The following OR4S2 variants were observed in gnomAD, a reference collection of about 807,000 sequenced individuals.
OR4S2 encodes olfactory receptor family 4 subfamily S member 2, also known as olfactory receptor 4S2.
Under a neutral mutation model 15.1 loss-of-function variants are expected in OR4S2, and 16 were observed. The ratio of observed to expected loss-of-function variants is 1.06; its 90% CI spans 0.72 to 1.61. The LOEUF (loss-of-function observed/expected upper bound fraction) is 1.61. Ranked by LOEUF, OR4S2 falls within the 40% of genes most tolerant of loss-of-function variation. The pLI is 0.00. For missense variants in OR4S2, 362 were observed against 379.6 expected (o/e 0.95, Z 0.38); for synonymous variants, 133 against 136.3 (o/e 0.98, Z 0.17).
rs765413517 is a variant in OR4S2, at chr11:55,650,899, A to G, written c.-5A>G. 10 of 1,276,712 alleles carry G rather than the reference A, an allele frequency of 7.8e-6. 1 individual carries two copies. The East Asian group carries it at 1.3e-4, about 17-fold the overall frequency. 79.1% of individuals were successfully genotyped at this position (1,276,712 alleles called of 1,614,324 possible). On this transcript the variant is annotated 5_prime_UTR_variant, in exon 2 of 2. Coordinates refer to ENST00000641692, the MANE Select transcript of OR4S2 (RefSeq NM_001004059.3). ...TAATTGTCTCCTAAGAACTTGACCC[A>G]TTCCATGGAAAAAATAAACAACGTA... is the stretch of plus-strand genomic sequence containing the variant.
rs778405988 is a variant in OR4S2 at position 55,650,946 on chromosome 11, C to A, written c.43C>A (p.Leu15Ile). ...NNVTEFIFWG[L>I]SQSPEIEKVC... Reference sequence around the variant, plus strand: ...CGTAACTGAATTCATTTTCTGGGGTCTTTCTCAGAGCCCAGAGATTGAGAA... The same window carrying A: ...CGTAACTGAATTCATTTTCTGGGGTATTTCTCAGAGCCCAGAGATTGAGAA... The change falls in exon 2 of 2, where the codon CTT becomes ATT. Residue 15 changes from leucine (L) to isoleucine (I), a missense_variant. Coordinates refer to ENST00000641692, the MANE Select transcript of OR4S2 (RefSeq NM_001004059.3). 15 of 1,464,254 alleles carry A rather than the reference C, an allele frequency of 1.0e-5. 4 individuals carry two copies. The highest frequency in any genetic ancestry group is 1.4e-5 in the Non-Finnish European group (15 of 1,072,940). 90.7% of individuals were successfully genotyped at this position (1,464,254 alleles called of 1,614,324 possible).
At chr11:55,648,580 A>G (rs1453885307) in intron 1 of OR4S2, 30 bp downstream of exon 1, 1 of 138,174 alleles carries the variant, frequency 7.2e-6, no homozygotes, top group Non-Finnish European at 1.6e-5. Context: ...TCAAACGAAT[A>G]CAGAATATTT....
chr11:55,649,055 G>GA (rs201025021), intron 1 of OR4S2, among the ~76,000 whole-genome samples: 2,731 of 137,680 alleles, frequency 0.02, 514 homozygotes, highest in Middle Eastern at 0.039. Context: ...GACGGTAGGG[G>GA]AAAAAATCCT....
Position 55,651,086 on chromosome 11 carries a change from C to T in OR4S2, c.183C>T (p.Leu61=), listed in dbSNP as rs1565075695. ...TTAAGTCACCCATGTATTTCTTTCT[C>T]AGCTTCTTGTCTTTTGTGGACATTT... ...NLFKSPMYFF[L]SFLSFVDICY... The change falls in exon 2 of 2, where the codon CTC becomes CTT. Residue 61 remains leucine, a synonymous_variant. Transcript: ENST00000641692. The T allele has an allele frequency of 2.0e-6, 3 of 1,484,102 alleles. 1 individual carries two copies. Among genetic ancestry groups the T allele is most frequent in the Admixed American group, 2.0e-5 (1 of 50,112 alleles). 91.9% of individuals were successfully genotyped at this position (1,484,102 alleles called of 1,614,324 possible).
rs1179657323 is a variant in OR4S2 at position 55,652,798 on chromosome 11, A to G, written c.*959A>G. 12 of 138,994 alleles carry G rather than the reference A, an allele frequency of 8.6e-5. No individual in the cohort carries two copies. The highest frequency in any genetic ancestry group is 4.7e-4 in the Admixed American group (6 of 12,878). 8.6% of individuals were successfully genotyped at this position (138,994 alleles called of 1,614,324 possible). A position where few individuals can be genotyped will look rare whatever the true frequency, so the allele number is the denominator to read the frequency against. On this transcript the variant is annotated 3_prime_UTR_variant, in exon 2 of 2. Transcript: ENST00000641692. ...TAACACTGTTCTCTATTTCTCAAAA[A>G]ATGTGTGAAAATCTTTCACCAGCTG...
chr11:55,648,576 G>A (rs1238798891), intron 1 of OR4S2, 26 bp downstream of exon 1: 5 of 137,190 alleles, frequency 3.6e-5, no homozygotes, highest in Non-Finnish European at 6.5e-5. Flanking sequence ...CTTTTCAAAC[G>A]AATACAGAAT....
At position 55,651,813 on chromosome 11, in the gene OR4S2, G is replaced by T; in HGVS notation, c.910G>T (p.Val304Phe). Residue 304 changes from valine to phenylalanine, a missense_variant, in exon 2 of 2, where the codon GTT (valine) becomes TTT (phenylalanine). Transcript: ENST00000641692. ...AATGAAGAAACTGTGGGGCAGAAAT[G>T]TTTTCTTGGAGGCTAAAGGGAAATA... ...NAMKKLWGRNVFLEAKGK is the reference protein window; with the variant it reads ...NAMKKLWGRNFFLEAKGK 1 of 1,434,164 alleles carries T rather than the reference G, an allele frequency of 7.0e-7. No individual in the cohort carries two copies. The highest frequency in any genetic ancestry group is 9.5e-7 in the Non-Finnish European group (1 of 1,049,762). 88.8% of individuals were successfully genotyped at this position (1,434,164 alleles called of 1,614,324 possible). A position where few individuals can be genotyped will look rare whatever the true frequency, so the allele number is the denominator to read the frequency against.
chr11:55,648,413 G>T lies in OR4S2; in HGVS notation c.-174G>T, dbSNP rs1858524135. 7.3e-6 allele frequency: 1 copy of T among 137,232 alleles called. No homozygotes were observed. Among genetic ancestry groups the T allele is most frequent in the African/African-American group, 2.5e-5 (1 of 39,708 alleles). The allele number at this position is 137,232 out of a possible 1,614,324, so 8.5% of individuals were successfully genotyped here. ...TTTCTACCAGCCTTTCAGTTTGGGG[G>T]GTCAGGTATTTTCCGGTACTAATTA... is the stretch of plus-strand genomic sequence containing the variant. On this transcript the variant is annotated 5_prime_UTR_variant, in exon 1 of 2. Transcript: ENST00000641692.
chr11:55,649,711 T>C lies in OR4S2; in HGVS notation c.-36-1157T>C, dbSNP rs534838136. Among the ~76,000 whole-genome samples, 40 of 139,006 alleles carry C rather than the reference T, an allele frequency of 2.9e-4. 6 individuals carry two copies. Among genetic ancestry groups the C allele is most frequent in the Non-Finnish European group, 5.8e-4 (36 of 62,380 alleles). 91.2% of individuals were successfully genotyped at this position (139,006 alleles called of 152,430 possible). A position where few individuals can be genotyped will look rare whatever the true frequency, so the allele number is the denominator to read the frequency against. The stretch of plus-strand genomic sequence containing the variant: ...TAAACCCATTAAAATTGTCATTCAG[T>C]GATGATCTCTTCCAGAAATATAAAT... On this transcript the variant is annotated intron_variant, in intron 1 of 1. Coordinates refer to ENST00000641692, the MANE Select transcript of OR4S2 (RefSeq NM_001004059.3).
Position 55,651,520 on chromosome 11 carries a change from T to C in OR4S2, c.617T>C (p.Leu206Pro). Residue 206 changes from leucine (L) to proline (P), a missense_variant, in exon 2 of 2, where the codon CTG (leucine) becomes CCG (proline). Leu to Pro is a moderately conservative substitution (Grantham distance 98). Coordinates refer to ENST00000641692, the MANE Select transcript of OR4S2 (RefSeq NM_001004059.3). ...ACAGCCAACAGTGGTACCATTGCTCTGGGGAGTTTTGTTATCTTGCTAATC... is the reference window on the plus strand; with the variant it reads ...ACAGCCAACAGTGGTACCATTGCTCCGGGGAGTTTTGTTATCTTGCTAATC... Reference protein sequence around the residue: ...VVTANSGTIALGSFVILLISY... With the variant: ...VVTANSGTIAPGSFVILLISY... The C allele has an allele frequency of 1.3e-6, 2 of 1,489,414 alleles. No individual in the cohort carries two copies. Among genetic ancestry groups the C allele is most frequent in the African/African-American group, 2.7e-5 (2 of 72,812 alleles). 92.3% of individuals were successfully genotyped at this position (1,489,414 alleles called of 1,614,324 possible).
chr11:55,651,381 C>G lies in OR4S2; in HGVS notation c.478C>G (p.Leu160Val). The G allele has an allele frequency of 6.7e-7, 1 of 1,481,556 alleles. No individual in the cohort carries two copies. The highest frequency in any genetic ancestry group is 9.2e-7 in the Non-Finnish European group (1 of 1,086,950). 91.8% of individuals were successfully genotyped at this position (1,481,556 alleles called of 1,614,324 possible). The change falls in exon 2 of 2, where the codon CTG (leucine) becomes GTG (valine). Residue 160 changes from leucine to valine, a missense_variant. Physicochemically the swap from Leu to Val is conservative, Grantham distance 32. Transcript: ENST00000641692. ...CTTACACTCCATTATCCAAGTGGCTCTGGTAGTCCAACTACCCTTTTGTGG... is the reference window on the plus strand; with the variant it reads ...CTTACACTCCATTATCCAAGTGGCTGTGGTAGTCCAACTACCCTTTTGTGG... ...GFLHSIIQVALVVQLPFCGPN... is the reference protein window; with the variant it reads ...GFLHSIIQVAVVVQLPFCGPN...
Position 55,651,084 on chromosome 11 carries a change from C to A in OR4S2, c.181C>A (p.Leu61Ile), listed in dbSNP as rs527758076. The change falls in exon 2 of 2, where the codon CTC becomes ATC. Residue 61 changes from leucine to isoleucine, a missense_variant. Physicochemically the swap from Leu to Ile is conservative, Grantham distance 5. Coordinates refer to ENST00000641692, the MANE Select transcript of OR4S2 (RefSeq NM_001004059.3). ...NLFKSPMYFF[L>I]SFLSFVDICY... ...GTTTAAGTCACCCATGTATTTCTTT[C>A]TCAGCTTCTTGTCTTTTGTGGACAT... The A allele has an allele frequency of 6.7e-7, 1 of 1,484,360 alleles. No homozygotes were observed. The highest frequency in any genetic ancestry group is 9.2e-7 in the Non-Finnish European group (1 of 1,089,696). The allele number at this position is 1,484,360 out of a possible 1,614,324, so 91.9% of individuals were successfully genotyped here. A position where few individuals can be genotyped will look rare whatever the true frequency, so the allele number is the denominator to read the frequency against.
rs903031707 is a variant in OR4S2, at chr11:55,649,738, G to A, written c.-36-1130G>A. ...ATGATCTCTTCCAGAAATATAAATCGACCAAATTGGGAGAATGAATATGGC... is the reference window on the plus strand; with the variant it reads ...ATGATCTCTTCCAGAAATATAAATCAACCAAATTGGGAGAATGAATATGGC... On this transcript the variant is annotated intron_variant, in intron 1 of 1. Transcript: ENST00000641692. Among the ~76,000 whole-genome samples, 8 of 138,332 alleles carry A rather than the reference G, an allele frequency of 5.8e-5. 2 individuals carry two copies. The highest frequency in any genetic ancestry group is 1.0e-4 in the African/African-American group (4 of 39,846). The allele number at this position is 138,332 out of a possible 152,430, so 90.8% of individuals were successfully genotyped here.
intron 1 of OR4S2, among the ~76,000 whole-genome samples, chr11:55,649,882 C>G (rs1268497270): frequency 7.2e-6 from 1 of 138,796 alleles, no homozygotes; most frequent in African/African-American, 2.5e-5. Context: ...TTTAAAAATA[C>G]AAAGCAAAGT....
Position 55,651,152 on chromosome 11 carries a change from G to A in OR4S2, c.249G>A (p.Leu83=). ...CAGCTCCCAAGATGATTGTTGACCT[G>A]TTAGCAAAGGACAAAACCATCTCCT... ...SVTAPKMIVD[L]LAKDKTISYV... Residue 83 remains leucine, a synonymous_variant, in exon 2 of 2, where the codon CTG becomes CTA. Coordinates refer to ENST00000641692, the MANE Select transcript of OR4S2 (RefSeq NM_001004059.3). The A allele has an allele frequency of 6.8e-7, 1 of 1,480,312 alleles. No individual in the cohort carries two copies. The highest frequency in any genetic ancestry group is 9.2e-7 in the Non-Finnish European group (1 of 1,085,906). The allele number at this position is 1,480,312 out of a possible 1,614,324, so 91.7% of individuals were successfully genotyped here. A position where few individuals can be genotyped will look rare whatever the true frequency, so the allele number is the denominator to read the frequency against.
Position 55,652,748 on chromosome 11 carries a change from C to T in OR4S2, c.*909C>T, listed in dbSNP as rs529727737. On this transcript the variant is annotated 3_prime_UTR_variant, in exon 2 of 2. Coordinates refer to ENST00000641692, the MANE Select transcript of OR4S2 (RefSeq NM_001004059.3). ...CTTGCTCAGATGGCTATAACTTCCC[C>T]CACAATGCTAAGTTAACTACTTAGT... is the stretch of plus-strand genomic sequence containing the variant. 2 of 138,986 alleles carry T rather than the reference C, an allele frequency of 1.4e-5. 1 individual carries two copies. Among genetic ancestry groups the T allele is most frequent in the Non-Finnish European group, 3.2e-5 (2 of 62,390 alleles). 8.6% of individuals were successfully genotyped at this position (138,986 alleles called of 1,614,324 possible).
In OR4S2 at chr11:55,651,438, G is replaced by A. The variant is rs758862970; in HGVS notation, c.535G>A (p.Val179Ile). The A allele has an allele frequency of 2.7e-6, 4 of 1,490,666 alleles. 1 individual carries two copies. The highest frequency in any genetic ancestry group is 3.7e-6 in the Non-Finnish European group (4 of 1,095,362). The allele number at this position is 1,490,666 out of a possible 1,614,324, so 92.3% of individuals were successfully genotyped here. ...PNEIDHYFCD[V>I]HPVLKLACTE... is the part of the protein sequence containing the mutation. ...TGAGATAGATCACTACTTTTGTGAT[G>A]TTCACCCTGTGTTGAAACTTGCCTG... The change falls in exon 2 of 2, where the codon GTT (valine) becomes ATT (isoleucine). Residue 179 changes from valine (V) to isoleucine (I), a missense_variant. Transcript: ENST00000641692.
Position 55,651,281 on chromosome 11 carries a change from AC to A in OR4S2, c.382del (p.Leu128TyrfsTer4). ...ATGATCGTTATGTGGCTATCTGTAA[AC>A]CCCTACATTATATGACCATCATGAA... The part of the protein sequence containing the change: ...AYDRYVAICK[P>X]LHYMTIMNRE... On this transcript the variant is annotated frameshift_variant, in exon 2 of 2. Coordinates refer to ENST00000641692, the MANE Select transcript of OR4S2 (RefSeq NM_001004059.3). LOFTEE classifies it high-confidence loss of function. 2.0e-6 allele frequency: 3 copies of A among 1,483,986 alleles called. No homozygotes were observed. The highest frequency in any genetic ancestry group is 1.8e-6 in the Non-Finnish European group (2 of 1,089,660). The allele number at this position is 1,483,986 out of a possible 1,614,324, so 91.9% of individuals were successfully genotyped here.
At position 55,650,931 on chromosome 11, in the gene OR4S2, T is replaced by C; in HGVS notation, c.28T>C (p.Phe10Leu). 2 of 1,442,556 alleles carry C rather than the reference T, an allele frequency of 1.4e-6. 1 individual carries two copies. The allele number at this position is 1,442,556 out of a possible 1,614,324, so 89.4% of individuals were successfully genotyped here. The change falls in exon 2 of 2, where the codon TTC becomes CTC. Residue 10 changes from phenylalanine (F) to leucine (L), a missense_variant. Physicochemically the swap from Phe to Leu is conservative, Grantham distance 22. Transcript: ENST00000641692. MEKINNVTE[F>L]IFWGLSQSPE... ...GGAAAAAATAAACAACGTAACTGAATTCATTTTCTGGGGTCTTTCTCAGAG... is the reference window on the plus strand; with the variant it reads ...GGAAAAAATAAACAACGTAACTGAACTCATTTTCTGGGGTCTTTCTCAGAG...
Sources: gnomAD v4.1 joint callset for allele counts (sites outside exome capture counted in the v4.1 genomes callset) on GRCh38, gnomAD v4.1.1 for gene constraint, MANE v1.5 for transcripts, NCBI Gene and HGNC (gene_info 2026-07-23, HGNC 2026-07-21) for gene names.